MRPS28: variants seen among roughly 807,000 people sequenced by gnomAD.
MRPS28 encodes the protein mitochondrial ribosomal protein S28.
In MRPS28, 7 loss-of-function variants were observed where a neutral mutation model predicts 10.8. The ratio of observed to expected loss-of-function variants is 0.65; its 90% CI spans 0.37 to 1.22. MRPS28 has a LOEUF of 1.22. MRPS28 is among the 50% of genes most tolerant of loss of function. MRPS28 has a pLI of 0.02. For synonymous variants in MRPS28, 121 were observed against 93.3 expected (o/e 1.30, Z -1.71); for missense variants, 265 against 232.9 (o/e 1.14, Z -0.90).
intron 1 of MRPS28, among the ~76,000 whole-genome samples, chr8:80,005,240 G>T (rs978620365): frequency 6.6e-6 from 1 of 152,154 alleles, no homozygotes; most frequent in East Asian, 1.9e-4. Flanking sequence ...CAGAGAGAAA[G>T]GTCAGGTTAC....
chr8:79,942,258 C>T (rs1394956890), intron 2 of MRPS28, among the ~76,000 whole-genome samples: 1 of 152,168 alleles, frequency 6.6e-6, no homozygotes, highest in African/African-American at 2.4e-5. Flanking sequence ...CATTGCTGAT[C>T]CAGGCTGCAT....
At chr8:79,965,258 T>G (rs1807474978) in intron 2 of MRPS28, among the ~76,000 whole-genome samples, 1 of 152,104 alleles carries the variant, frequency 6.6e-6, no homozygotes, top group African/African-American at 2.4e-5. Context: ...GGAAATTGAA[T>G]GATAGTGTTA....
At chr8:79,926,906 A>C (rs1298221026) in intron 2 of MRPS28, among the ~76,000 whole-genome samples, 1 of 152,202 alleles carries the variant, frequency 6.6e-6, no homozygotes, top group African/African-American at 2.4e-5. Context: ...AGATTCACGC[A>C]CATTTGGGAA....
rs183380515 is a variant in MRPS28 at position 79,976,633 on chromosome 8, G to C, written c.395+26366C>G. ...AGGTGGGAGGATTGCTTCAACCAGG[G>C]AGGTGATGGTTGCAATGAGCTGAGA... On this transcript the variant is annotated intron_variant, in intron 2 of 2. Coordinates refer to ENST00000276585, the MANE Select transcript of MRPS28 (RefSeq NM_014018.3). Among the ~76,000 whole-genome samples, 537 of 152,184 alleles carry C rather than the reference G, an allele frequency of 3.5e-3. 10 individuals carry two copies. The highest frequency in any genetic ancestry group is 0.03 in the Admixed American group (462 of 15,296).
At chr8:79,959,407 G>A (rs945194144) in intron 2 of MRPS28, among the ~76,000 whole-genome samples, 1 of 152,020 alleles carries the variant, frequency 6.6e-6, no homozygotes, top group Non-Finnish European at 1.5e-5. Flanking sequence ...TTTTCTAACT[G>A]AAAAGACTGT....
chr8:80,007,803 C>A (rs1367846406), intron 1 of MRPS28, among the ~76,000 whole-genome samples: 2 of 152,306 alleles, frequency 1.3e-5, no homozygotes, highest in East Asian at 3.9e-4. Flanking sequence ...ACATTCCATG[C>A]TCATGAATAG....
chr8:80,014,856 ATG>A (rs1448711674), intron 1 of MRPS28, among the ~76,000 whole-genome samples: 2 of 152,178 alleles, frequency 1.3e-5, no homozygotes, highest in African/African-American at 4.8e-5. Flanking sequence ...ATGTCTGGAG[ATG>A]TGTTTGATTG....
At chr8:80,000,353 A>G (rs984753070) in intron 2 of MRPS28, among the ~76,000 whole-genome samples, 4 of 152,220 alleles carry the variant, frequency 2.6e-5, no homozygotes, top group African/African-American at 7.2e-5. Flanking sequence ...ATTACTACAG[A>G]TAACTACAGA....
Position 80,030,034 on chromosome 8 carries a change from A to G in MRPS28, c.213+2T>C, listed in dbSNP as rs982446462. On this transcript the variant is annotated splice_donor_variant, in intron 1 of 2. Coordinates refer to ENST00000276585, the MANE Select transcript of MRPS28 (RefSeq NM_014018.3). LOFTEE classifies it high-confidence loss of function. Reference sequence around the variant, plus strand: ...ACTCCCTCTCACCCGCCCGGGCTCCACCTTCTGTAGGGGCTCCACCTTCTG... The same window carrying G: ...ACTCCCTCTCACCCGCCCGGGCTCCGCCTTCTGTAGGGGCTCCACCTTCTG... 1.2e-6 allele frequency: 2 copies of G among 1,612,170 alleles called. No homozygotes were observed.
intron 1 of MRPS28, among the ~76,000 whole-genome samples, chr8:80,004,201 C>A (rs566924442): frequency 3.8e-4 from 58 of 152,334 alleles, no homozygotes; most frequent in African/African-American, 9.4e-4. Context: ...AAGTGGGTCC[C>A]TGACCCCTGA....
chr8:79,941,262 C>T (rs1447564433), intron 2 of MRPS28, among the ~76,000 whole-genome samples: 1 of 152,184 alleles, frequency 6.6e-6, no homozygotes, highest in Non-Finnish European at 1.5e-5. Context: ...TGAAAATCCT[C>T]AAATCTTCTA....
chr8:80,019,769 GT>G (rs1248608210), intron 1 of MRPS28, among the ~76,000 whole-genome samples: 1 of 152,094 alleles, frequency 6.6e-6, no homozygotes, highest in African/African-American at 2.4e-5. Context: ...CCTGGAATAA[GT>G]AATTACAGCA....
chr8:79,985,383 A>T lies in MRPS28; in HGVS notation c.395+17616T>A, dbSNP rs187663912. ...TAGAAGAACTAAAAAAGCAAGAGCA[A>T]ACACATTCAAAAGCTAGCAGAAGGC... On this transcript the variant is annotated intron_variant, in intron 2 of 2. Coordinates refer to ENST00000276585, the MANE Select transcript of MRPS28 (RefSeq NM_014018.3). 6.1e-3 allele frequency among the ~76,000 whole-genome samples: 930 copies of T among 152,332 alleles called. 4 individuals are homozygous for T. The highest frequency in any genetic ancestry group is 0.017 in the Middle Eastern group (5 of 294).
chr8:79,995,498 TAA>T (rs1808476886), intron 2 of MRPS28, among the ~76,000 whole-genome samples: 1 of 152,144 alleles, frequency 6.6e-6, no homozygotes. Flanking sequence ...CTGGAGGTGT[TAA>T]AGTCTCAACC....
At position 80,013,242 on chromosome 8, in the gene MRPS28, T is replaced by C. The variant is rs77009480; in HGVS notation, c.214-10062A>G. 6.4e-3 allele frequency among the ~76,000 whole-genome samples: 972 copies of C among 152,226 alleles called. 8 individuals carry two copies. The highest frequency in any genetic ancestry group is 0.022 in the African/African-American group (908 of 41,528). ...ATTTTCTTCCAATTCTATAAGGTAG[T>C]AGGAATTCTTAAATATTCTAAAATA... On this transcript the variant is annotated intron_variant, in intron 1 of 2. Transcript: ENST00000276585.
In MRPS28 at chr8:79,977,815, A is replaced by AAATAAT. The variant is rs147911236; in HGVS notation, c.395+25178_395+25183dup. Among the ~76,000 whole-genome samples the AAATAAT allele has an allele frequency of 6.0e-3, 897 of 150,572 alleles. 12 individuals carry two copies. The highest frequency in any genetic ancestry group is 0.049 in the East Asian group (253 of 5,136). On this transcript the variant is annotated intron_variant, in intron 2 of 2. Transcript: ENST00000276585. ...CTGGGTGACAGAGTGAGACTGTCTC[A>AAATAAT]AATAATAATAATAATAATAATAATA...
chr8:79,979,498 A>G (rs991357000), intron 2 of MRPS28, among the ~76,000 whole-genome samples: 5 of 152,308 alleles, frequency 3.3e-5, no homozygotes, highest in Non-Finnish European at 7.4e-5. Context: ...AAAATAAAAA[A>G]TAAATTTTAA....
chr8:79,947,582 T>G (rs1312548717), intron 2 of MRPS28, among the ~76,000 whole-genome samples: 1 of 151,918 alleles, frequency 6.6e-6, no homozygotes, highest in Non-Finnish European at 1.5e-5. Context: ...TTGTATTTTG[T>G]AGTTTTCAGC....
chr8:79,988,882 G>A (rs1477095457), intron 2 of MRPS28, among the ~76,000 whole-genome samples: 1 of 152,120 alleles, frequency 6.6e-6, no homozygotes, highest in African/African-American at 2.4e-5. Context: ...TACTGTATCT[G>A]CTTCCTGCCA....
Sources: gnomAD v4.1 joint callset for allele counts (sites outside exome capture counted in the v4.1 genomes callset) on GRCh38, gnomAD v4.1.1 for gene constraint, MANE v1.5 for transcripts, NCBI Gene and HGNC (gene_info 2026-07-23, HGNC 2026-07-21) for gene names.